The following CDH18 variants were observed in gnomAD, a reference collection of about 807,000 sequenced individuals.
CDH18 encodes cadherin 18.
CDH18 carries 31 observed loss-of-function variants against 67.9 expected under a neutral mutation model. That is an observed-to-expected ratio of 0.46 (90% CI 0.34 to 0.62). The LOEUF (loss-of-function observed/expected upper bound fraction) is 0.62, where lower values mean the gene tolerates loss of function less well. Ranked by LOEUF, CDH18 falls within the 20% of genes least tolerant of loss-of-function variation. The pLI, the probability that CDH18 is intolerant of heterozygous loss-of-function variation, is 0.01. For missense variants in CDH18, 890 were observed against 975.5 expected, an observed-to-expected ratio of 0.91 and a Z score of 1.17; for synonymous variants, 362 against 347.2, an observed-to-expected ratio of 1.04 and a Z score of -0.48.
chr5:20,444,602 T>G (rs961806568), intron 1 of CDH18, among the ~76,000 whole-genome samples: 19 of 152,154 alleles, frequency 1.2e-4, no homozygotes, highest in African/African-American at 3.9e-4. Context: ...GGCTAATCCC[T>G]GAAATAAACT....
At chr5:20,570,936 A>G (rs1758781198) in intron 1 of CDH18, among the ~76,000 whole-genome samples, 1 of 152,202 alleles carries the variant, frequency 6.6e-6, no homozygotes, top group South Asian at 2.1e-4. Flanking sequence ...AATTCGGTTC[A>G]TTGATCATAG....
intron 2 of CDH18, among the ~76,000 whole-genome samples, chr5:19,905,887 T>C (rs1790480825): frequency 6.6e-6 from 1 of 152,038 alleles, no homozygotes; most frequent in Non-Finnish European, 1.5e-5. Context: ...TAGATAATAT[T>C]AAAAAAATTC....
At chr5:20,534,332 G>A in intron 1 of CDH18, among the ~76,000 whole-genome samples, 1 of 151,926 alleles carries the variant, frequency 6.6e-6, no homozygotes, top group East Asian at 1.9e-4. Context: ...AATATAGCTT[G>A]ATAATCAAAG....
At chr5:19,716,420 T>C (rs746888716) in intron 5 of CDH18, among the ~76,000 whole-genome samples, 9 of 152,070 alleles carry the variant, frequency 5.9e-5, no homozygotes, top group Non-Finnish European at 1.2e-4. Context: ...ATAACGTGAC[T>C]CCAAATAGTA....
At chr5:19,901,464 T>C (rs949264858) in intron 2 of CDH18, among the ~76,000 whole-genome samples, 4 of 152,108 alleles carry the variant, frequency 2.6e-5, no homozygotes, top group East Asian at 1.9e-4. Context: ...ATTAATTACA[T>C]TGGAAGCAAA....
intron 1 of CDH18, among the ~76,000 whole-genome samples, chr5:20,429,811 G>A (rs866179249): frequency 3.9e-5 from 6 of 152,108 alleles, no homozygotes; most frequent in African/African-American, 1.4e-4. Context: ...TTGTATAAAA[G>A]ATGTTTTACT....
intron 3 of CDH18, among the ~76,000 whole-genome samples, chr5:19,830,389 A>C (rs1356858492): frequency 6.6e-6 from 1 of 152,166 alleles, no homozygotes; most frequent in Admixed American, 6.6e-5. Flanking sequence ...AAAGACACAG[A>C]CATTTTCAAA....
intron 1 of CDH18, among the ~76,000 whole-genome samples, chr5:20,498,329 A>G (rs1268201886): frequency 6.6e-6 from 1 of 152,038 alleles, no homozygotes; most frequent in East Asian, 1.9e-4. Context: ...TCCAGATGTA[A>G]CACAATCAGC....
At chr5:20,306,918 T>TA (rs1359140846) in intron 1 of CDH18, among the ~76,000 whole-genome samples, 2 of 151,504 alleles carry the variant, frequency 1.3e-5, no homozygotes, top group Non-Finnish European at 2.9e-5. Context: ...TAACTTGAAA[T>TA]AATTCTCAAT....
At chr5:19,719,935 A>AAG (rs1554014187) in intron 5 of CDH18, among the ~76,000 whole-genome samples, 8 of 151,366 alleles carry the variant, frequency 5.3e-5, no homozygotes, top group Non-Finnish European at 1.0e-4. Flanking sequence ...GAAAGAAAGA[A>AAG]AGAAAGAAAG....
intron 5 of CDH18, among the ~76,000 whole-genome samples, chr5:19,692,806 A>G (rs1269270212): frequency 6.6e-6 from 1 of 151,890 alleles, no homozygotes; most frequent in Non-Finnish European, 1.5e-5. Context: ...TAGATTCATT[A>G]TGTACAACAA....
chr5:20,308,449 A>C (rs1736679549), intron 1 of CDH18, among the ~76,000 whole-genome samples: 2 of 151,684 alleles, frequency 1.3e-5, no homozygotes, highest in South Asian at 4.2e-4. Context: ...AGGCTGAGGT[A>C]GGAGAATCGC....
At chr5:20,296,204 C>T (rs1222504212) in intron 1 of CDH18, among the ~76,000 whole-genome samples, 1 of 150,314 alleles carries the variant, frequency 6.7e-6, no homozygotes, top group African/African-American at 2.4e-5. Flanking sequence ...TATTATAATG[C>T]CACAAATTCA....
intron 2 of CDH18, among the ~76,000 whole-genome samples, chr5:20,220,112 G>A (rs1741106659): frequency 6.6e-6 from 1 of 151,774 alleles, no homozygotes; most frequent in African/African-American, 2.4e-5. Flanking sequence ...CTTCACATAA[G>A]TAGAAAAAAA....
rs113551381 is a variant in CDH18, at chr5:19,539,926, T to C, written c.1390+3943A>G. On this transcript the variant is annotated intron_variant, in intron 9 of 12. Transcript: ENST00000382275. ...CTCCTGGCCCCTCCCACAACTCATG[T>C]CATCACATTTCAAAACCAATCATGT... Among the ~76,000 whole-genome samples, 750 of 152,168 alleles carry C rather than the reference T, an allele frequency of 4.9e-3. 8 individuals are homozygous for C. Among genetic ancestry groups the C allele is most frequent in the African/African-American group, 0.014 (574 of 41,518 alleles).
intron 1 of CDH18, among the ~76,000 whole-genome samples, chr5:19,983,934 G>A (rs1178120306): frequency 2.6e-5 from 4 of 152,068 alleles, no homozygotes; most frequent in Admixed American, 2.6e-4. Flanking sequence ...TACTAAATAT[G>A]GTAGGGACAC....
intron 5 of CDH18, among the ~76,000 whole-genome samples, chr5:19,651,634 T>A (rs1755597005): frequency 6.6e-6 from 1 of 152,058 alleles, no homozygotes; most frequent in South Asian, 2.1e-4. Flanking sequence ...TAAGATAAAA[T>A]TTTCCTTGCT....
At chr5:19,957,370 A>C (rs553379496) in intron 2 of CDH18, among the ~76,000 whole-genome samples, 4 of 151,282 alleles carry the variant, frequency 2.6e-5, no homozygotes, top group African/African-American at 9.7e-5. Flanking sequence ...ATACATCAAT[A>C]ATAATATATC....
At chr5:20,213,479 C>G (rs1740517044) in intron 2 of CDH18, among the ~76,000 whole-genome samples, 1 of 152,068 alleles carries the variant, frequency 6.6e-6, no homozygotes, top group South Asian at 2.1e-4. Context: ...TTTGTACATT[C>G]AGTAAACTTC....
Sources: gnomAD v4.1 joint callset for allele counts (sites outside exome capture counted in the v4.1 genomes callset) on GRCh38, gnomAD v4.1.1 for gene constraint, MANE v1.5 for transcripts, NCBI Gene and HGNC (gene_info 2026-07-23, HGNC 2026-07-21) for gene names.